CSMD1: variants seen among roughly 807,000 people sequenced by gnomAD.
CSMD1 encodes CUB and sushi domain-containing protein 1.
A neutral mutation model predicts 417.5 loss-of-function variants in CSMD1; 213 were observed. The observed-to-expected ratio is 0.51, with a 90% CI of 0.46 to 0.57. The LOEUF is 0.57. CSMD1 is among the 20% of genes least tolerant of loss of function. The pLI is 0.00. For missense variants in CSMD1, 6,923 were observed against 4,529.7 expected (o/e 1.53, Z -15.17); for synonymous variants, 2,862 against 1,736.8 (o/e 1.65, Z -16.11).
chr8:4,747,102 G>A (rs946955725), intron 1 of CSMD1, among the ~76,000 whole-genome samples: 1 of 152,174 alleles, frequency 6.6e-6, no homozygotes, highest in African/African-American at 2.4e-5. Context: ...CACAGGAATG[G>A]CAGGTGCTTT....
At chr8:3,212,687 G>A (rs540546989) in intron 30 of CSMD1, among the ~76,000 whole-genome samples, 3 of 151,870 alleles carry the variant, frequency 2.0e-5, no homozygotes, top group African/African-American at 7.3e-5. Context: ...TCTACTGCTG[G>A]GTCCAGACAG....
At chr8:4,268,454 C>A (rs1440877230) in intron 3 of CSMD1, among the ~76,000 whole-genome samples, 1 of 152,144 alleles carries the variant, frequency 6.6e-6, no homozygotes, top group Non-Finnish European at 1.5e-5. Flanking sequence ...GTCTGAGGTA[C>A]TGAAAGGTAG....
chr8:3,533,213 C>T (rs1441501500), intron 10 of CSMD1, among the ~76,000 whole-genome samples: 2 of 152,110 alleles, frequency 1.3e-5, no homozygotes, highest in Admixed American at 6.6e-5. Flanking sequence ...AACCAGATGC[C>T]TATTTTCTGT....
chr8:4,974,575 G>C (rs767205779), intron 1 of CSMD1, among the ~76,000 whole-genome samples: 5 of 152,012 alleles, frequency 3.3e-5, no homozygotes, highest in Non-Finnish European at 7.4e-5. Context: ...GATTGGAGTC[G>C]ACGTTTTATG....
chr8:3,520,490 T>G (rs550148620), intron 10 of CSMD1, among the ~76,000 whole-genome samples: 1 of 152,306 alleles, frequency 6.6e-6, no homozygotes, highest in South Asian at 2.1e-4. Flanking sequence ...GTCAACAAAA[T>G]AAAATGTTTA....
chr8:4,174,506 T>G (rs62501133), intron 3 of CSMD1, among the ~76,000 whole-genome samples: 26,203 of 150,962 alleles, frequency 0.17, 2,513 homozygotes, highest in Middle Eastern at 0.33. Flanking sequence ...ACTATGGGTA[T>G]ATATAATAAA....
intron 6 of CSMD1, among the ~76,000 whole-genome samples, chr8:3,736,059 G>A (rs953698469): frequency 6.6e-6 from 1 of 152,150 alleles, no homozygotes; most frequent in Non-Finnish European, 1.5e-5. Flanking sequence ...TAAAGCAGGT[G>A]TGAAGGAGAT....
At position 3,118,382 on chromosome 8, in the gene CSMD1, C is replaced by T. The variant is rs764779175; in HGVS notation, c.6430+17G>A. The T allele has an allele frequency of 2.5e-6, 4 of 1,587,370 alleles. No homozygotes were observed. In the African/African-American group the frequency reaches 4.1e-5, roughly 16 times the overall value. On this transcript the variant is annotated intron_variant, in intron 42 of 69. Transcript: ENST00000635120. ...CATGAAACATTAAATCGCCCCCATG[C>T]AAAGTGATGAACTTACCATCACATC...
Position 4,215,450 on chromosome 8 carries a change from G to A in CSMD1, c.416-183351C>T, listed in dbSNP as rs148772454. ...TAACACAAAAGACTCAATGCTTCCT[G>A]AATATTTTACACTGAGAAAAGAATT... On this transcript the variant is annotated intron_variant, in intron 3 of 69. Transcript: ENST00000635120. 3.1e-3 allele frequency among the ~76,000 whole-genome samples: 468 copies of A among 151,902 alleles called. 1 individual carries two copies. The highest frequency in any genetic ancestry group is 0.011 in the African/African-American group (448 of 41,452).
intron 17 of CSMD1, among the ~76,000 whole-genome samples, chr8:3,388,098 G>C (rs1318435324): frequency 2.0e-5 from 3 of 152,028 alleles, no homozygotes; most frequent in Non-Finnish European, 4.4e-5. Context: ...ATTCCAGTTA[G>C]ATTTTGGCAG....
chr8:4,403,587 C>T (rs1338962357), intron 3 of CSMD1, among the ~76,000 whole-genome samples: 1 of 152,154 alleles, frequency 6.6e-6, no homozygotes, highest in Non-Finnish European at 1.5e-5. Context: ...ACTTCTAGGA[C>T]AGTACACACT....
chr8:3,564,326 T>C (rs6996202), intron 10 of CSMD1, among the ~76,000 whole-genome samples: 52,841 of 151,902 alleles, frequency 0.35, 9,509 homozygotes, highest in African/African-American at 0.44. Context: ...AGGATGTTTT[T>C]TGAATGTTTT....
intron 23 of CSMD1, among the ~76,000 whole-genome samples, chr8:3,334,623 G>T (rs542104768): frequency 1.3e-5 from 2 of 152,226 alleles, no homozygotes; most frequent in African/African-American, 2.4e-5. Flanking sequence ...TTCAGAATTA[G>T]TCGTCAATAT....
intron 2 of CSMD1, among the ~76,000 whole-genome samples, chr8:4,483,961 G>A (rs768649919): frequency 1.3e-5 from 2 of 152,148 alleles, no homozygotes; most frequent in Admixed American, 6.5e-5. Context: ...CTCATTGACA[G>A]TCCTGCGTTT....
rs1342806783 is a variant in CSMD1 at position 3,149,581 on chromosome 8, G to A, written c.6031+1816C>T. Among the ~76,000 whole-genome samples the A allele has an allele frequency of 6.6e-5, 10 of 152,216 alleles. No homozygotes were observed. The South Asian group carries it at 8.3e-4, about 13-fold the overall frequency. The stretch of plus-strand genomic sequence containing the variant: ...CAACCTCCACCTCCCGGGTTCAAGC[G>A]ATTCTCTTGCCTCAGCCTCCCAAGT... On this transcript the variant is annotated intron_variant, in intron 40 of 69. Transcript: ENST00000635120.
At chr8:3,555,272 T>G (rs145714811) in intron 10 of CSMD1, among the ~76,000 whole-genome samples, 1 of 152,092 alleles carries the variant, frequency 6.6e-6, no homozygotes, top group African/African-American at 2.4e-5. Flanking sequence ...ATGAAGCCAA[T>G]GGGATGATTT....
chr8:3,296,454 G>C (rs985757624), intron 25 of CSMD1, among the ~76,000 whole-genome samples: 2 of 152,102 alleles, frequency 1.3e-5, no homozygotes, highest in East Asian at 1.9e-4. Flanking sequence ...GGCTTTGTAG[G>C]CTGTTTTAAG....
At chr8:3,290,381 G>C (rs1803460245) in intron 25 of CSMD1, among the ~76,000 whole-genome samples, 1 of 146,758 alleles carries the variant, frequency 6.8e-6, no homozygotes, top group African/African-American at 2.7e-5. Context: ...TTGGTAACTT[G>C]AAGGGGATGG....
rs773590076 is a variant in CSMD1, at chr8:3,616,704, T to G, written c.1097+6A>C. The stretch of plus-strand genomic sequence containing the variant: ...TGCTTTTTTCCACCACTATTGTATC[T>G]CTTACCTGAAGTCGGAACCTGCTCT... On this transcript the variant is annotated splice_donor_region_variant and intron_variant, in intron 8 of 69. Transcript: ENST00000635120. 11 of 1,583,068 alleles carry G rather than the reference T, an allele frequency of 6.9e-6. No homozygotes were observed. In the South Asian group the frequency reaches 1.1e-4, roughly 16 times the overall value.
Sources: allele counts gnomAD v4.1 joint callset (sites outside exome capture counted in the v4.1 genomes callset), GRCh38; gene constraint gnomAD v4.1.1; transcripts MANE v1.5; gene names NCBI Gene and HGNC (gene_info 2026-07-23, HGNC 2026-07-21).